NALF1: variants seen among roughly 807,000 people sequenced by gnomAD.
NALF1 encodes family with sequence similarity 155 member A.
NALF1 carries 3 observed loss-of-function variants against 48.4 expected under a neutral mutation model. That is an observed-to-expected ratio of 0.06 (90% CI 0.03 to 0.16). NALF1 has a LOEUF of 0.16. NALF1 is among the 10% of genes least tolerant of loss of function. The pLI is 1.00. For synonymous variants in NALF1, 262 were observed against 245.7 expected (o/e 1.07, Z -0.62); for missense variants, 526 against 571.5 (o/e 0.92, Z 0.81).
intron 1 of NALF1, among the ~76,000 whole-genome samples, chr13:107,648,415 G>C (rs938385664): frequency 1.3e-5 from 2 of 152,124 alleles, no homozygotes; most frequent in African/African-American, 2.4e-5. Flanking sequence ...CAGAAAGTCA[G>C]GTAGTTGTAA....
At chr13:107,696,803 T>G (rs1881710982) in intron 1 of NALF1, among the ~76,000 whole-genome samples, 1 of 152,188 alleles carries the variant, frequency 6.6e-6, no homozygotes, top group South Asian at 2.1e-4. Flanking sequence ...GCATGATTTT[T>G]GCTTTTCTAA....
At chr13:107,494,149 A>C (rs1258217677) in intron 1 of NALF1, among the ~76,000 whole-genome samples, 2 of 151,456 alleles carry the variant, frequency 1.3e-5, no homozygotes, top group Non-Finnish European at 2.9e-5. Flanking sequence ...ACATATAATA[A>C]AAATATTCAT....
chr13:107,382,087 G>C, intron 1 of NALF1, among the ~76,000 whole-genome samples: 1 of 152,086 alleles, frequency 6.6e-6, no homozygotes, highest in East Asian at 1.9e-4. Flanking sequence ...ATCATCTCTT[G>C]CTGGGCTTCT....
chr13:107,167,479 C>A lies in NALF1; in HGVS notation c.*3018G>T, dbSNP rs2138758385. On this transcript the variant is annotated 3_prime_UTR_variant, in exon 3 of 3. Transcript: ENST00000375915. ...CTCTGCCTGACCCCAGAAGAAGCTGCTTTGCTTCAACATGTCCAGTGGAAA... is the reference window on the plus strand; with the variant it reads ...CTCTGCCTGACCCCAGAAGAAGCTGATTTGCTTCAACATGTCCAGTGGAAA... 1 of 152,364 alleles carries A rather than the reference C, an allele frequency of 6.6e-6. No individual in the cohort carries two copies. Among genetic ancestry groups the A allele is most frequent in the East Asian group, 1.9e-4 (1 of 5,194 alleles). 9.4% of individuals were successfully genotyped at this position (152,364 alleles called of 1,614,324 possible).
At chr13:107,583,637 A>G (rs928774717) in intron 1 of NALF1, among the ~76,000 whole-genome samples, 1 of 152,190 alleles carries the variant, frequency 6.6e-6, no homozygotes, top group African/African-American at 2.4e-5. Flanking sequence ...CTGTGAGCAC[A>G]TATGACTATC....
intron 1 of NALF1, among the ~76,000 whole-genome samples, chr13:107,620,989 CGTGTGTGTGTGT>C (rs139779456): frequency 6.7e-6 from 1 of 149,722 alleles, no homozygotes; most frequent in African/African-American, 2.4e-5. Context: ...TGAGTGTGTG[CGTGTGTGTGTGT>C]GTGTGTGTTA....
intron 1 of NALF1, among the ~76,000 whole-genome samples, chr13:107,373,671 C>T (rs542375302): frequency 6.6e-6 from 1 of 152,218 alleles, no homozygotes; most frequent in African/African-American, 2.4e-5. Flanking sequence ...AAGCATCAAC[C>T]TGGTCTCTGA....
intron 1 of NALF1, among the ~76,000 whole-genome samples, chr13:107,304,586 G>T (rs1190618661): frequency 6.6e-6 from 1 of 152,186 alleles, no homozygotes; most frequent in African/African-American, 2.4e-5. Context: ...GTGGATCCAA[G>T]ACCAGAAATT....
chr13:107,639,334 A>C (rs1156964428), intron 1 of NALF1, among the ~76,000 whole-genome samples: 1 of 152,012 alleles, frequency 6.6e-6, no homozygotes, highest in Non-Finnish European at 1.5e-5. Context: ...CGCATCTCTC[A>C]ACAAACTCAC....
At chr13:107,589,414 T>C (rs2138416382) in intron 1 of NALF1, among the ~76,000 whole-genome samples, 1 of 152,154 alleles carries the variant, frequency 6.6e-6, no homozygotes, top group Admixed American at 6.6e-5. Flanking sequence ...AAATAATTGC[T>C]GAAACACCAA....
chr13:107,377,175 C>T (rs1462865959), intron 1 of NALF1, among the ~76,000 whole-genome samples: 2 of 152,204 alleles, frequency 1.3e-5, no homozygotes, highest in African/African-American at 2.4e-5. Flanking sequence ...TGTCCACTCA[C>T]CACCCTTCTC....
intron 1 of NALF1, among the ~76,000 whole-genome samples, chr13:107,851,185 G>A (rs1046840258): frequency 1.5e-4 from 23 of 152,092 alleles, no homozygotes; most frequent in Non-Finnish European, 1.2e-4. Flanking sequence ...ATTTTTTACC[G>A]GACATGGTAA....
intron 1 of NALF1, among the ~76,000 whole-genome samples, chr13:107,811,778 A>G (rs1041553218): frequency 6.6e-6 from 1 of 152,176 alleles, no homozygotes; most frequent in East Asian, 1.9e-4. Context: ...TGGAAAGGCG[A>G]TAACTAACCT....
intron 1 of NALF1, among the ~76,000 whole-genome samples, chr13:107,678,498 A>C (rs1881191099): frequency 6.6e-6 from 1 of 152,242 alleles, no homozygotes; most frequent in Non-Finnish European, 1.5e-5. Context: ...CCTAGGGACA[A>C]ATCCGAATCT....
chr13:107,165,910 CT>C lies in NALF1; in HGVS notation c.*4586del, dbSNP rs1878647364. 6.6e-6 allele frequency: 1 copy of C among 152,028 alleles called. No homozygotes were observed. The highest frequency in any genetic ancestry group is 1.5e-5 in the Non-Finnish European group (1 of 68,002). The allele number at this position is 152,028 out of a possible 1,614,324, so 9.4% of individuals were successfully genotyped here. Reference sequence around the variant, plus strand: ...ATGGTTTTTAAATGACCATGCTGCTCTAACTTTGACAAACAAGTAGGATCAT... The same window carrying C: ...ATGGTTTTTAAATGACCATGCTGCTCAACTTTGACAAACAAGTAGGATCAT... On this transcript the variant is annotated 3_prime_UTR_variant, in exon 3 of 3. Coordinates refer to ENST00000375915, the MANE Select transcript of NALF1 (RefSeq NM_001080396.3).
intron 1 of NALF1, among the ~76,000 whole-genome samples, chr13:107,395,859 T>C (rs1402178629): frequency 3.3e-5 from 5 of 152,062 alleles, no homozygotes; most frequent in Non-Finnish European, 5.9e-5. Context: ...AGGTTGCCGA[T>C]CATATTGGAT....
chr13:107,299,423 G>A (rs1404160617), intron 1 of NALF1, among the ~76,000 whole-genome samples: 1 of 140,842 alleles, frequency 7.1e-6, no homozygotes, highest in African/African-American at 2.6e-5. Flanking sequence ...GCTACAGAGC[G>A]AGACTTTGTC....
intron 1 of NALF1, among the ~76,000 whole-genome samples, chr13:107,526,818 A>G (rs1876461079): frequency 6.6e-6 from 1 of 152,174 alleles, no homozygotes; most frequent in African/African-American, 2.4e-5. Context: ...ATCCTTTATG[A>G]TTAAGAAATA....
At chr13:107,794,056 G>C (rs965100347) in intron 1 of NALF1, among the ~76,000 whole-genome samples, 1 of 152,104 alleles carries the variant, frequency 6.6e-6, no homozygotes, top group Non-Finnish European at 1.5e-5. Context: ...GAATTTCACT[G>C]TTTTAAAATA....
Sources: allele counts gnomAD v4.1 joint callset (sites outside exome capture counted in the v4.1 genomes callset), GRCh38; gene constraint gnomAD v4.1.1; transcripts MANE v1.5; gene names NCBI Gene and HGNC (gene_info 2026-07-23, HGNC 2026-07-21).